The following ACOXL variants were observed in gnomAD, a reference collection of about 807,000 sequenced individuals.
The protein encoded by ACOXL is acyl-CoA oxidase like.
ACOXL carries 70 observed loss-of-function variants against 71.9 expected under a neutral mutation model. The ratio of observed to expected loss-of-function variants is 0.97; its 90% CI spans 0.80 to 1.19. The LOEUF is 1.19. Among genes scored for constraint, ACOXL ranks in the 50% most tolerant of loss-of-function variants. The pLI is 0.00. For missense variants in ACOXL, 703 were observed against 736.3 expected (o/e 0.95, Z 0.52); for synonymous variants, 253 against 281.6 (o/e 0.90, Z 1.02).
intron 11 of ACOXL, among the ~76,000 whole-genome samples, chr2:110,909,885 C>G (rs2149244989): frequency 6.6e-6 from 1 of 151,820 alleles, no homozygotes; most frequent in East Asian, 1.9e-4. Context: ...GCAGGCTGAG[C>G]TGCAGGTAAC....
At chr2:111,052,409 C>T (rs2066335071) in intron 16 of ACOXL, among the ~76,000 whole-genome samples, 1 of 152,108 alleles carries the variant, frequency 6.6e-6, no homozygotes, top group Non-Finnish European at 1.5e-5. Flanking sequence ...ATCCTTGTTG[C>T]TGGGGGTCCT....
chr2:110,769,226 A>AAAAG (rs10599265), intron 2 of ACOXL, among the ~76,000 whole-genome samples: 10,909 of 148,664 alleles, frequency 0.073, 443 homozygotes, highest in East Asian at 0.14. Context: ...GCCTCATGAA[A>AAAAG]AAAGAAAGAA....
chr2:110,900,452 C>G (rs1037156241), intron 10 of ACOXL, among the ~76,000 whole-genome samples: 3 of 152,160 alleles, frequency 2.0e-5, no homozygotes, highest in Non-Finnish European at 4.4e-5. Context: ...ATCACTTAGT[C>G]CTCATGCTCA....
intron 1 of ACOXL, among the ~76,000 whole-genome samples, chr2:110,768,059 G>A (rs1309608365): frequency 6.6e-6 from 1 of 152,136 alleles, no homozygotes; most frequent in African/African-American, 2.4e-5. Context: ...TTGAACCCGG[G>A]AGGCGGAGGT....
Position 110,829,327 on chromosome 2 carries a change from G to A in ACOXL, c.754-12044G>A, listed in dbSNP as rs191153188. The stretch of plus-strand genomic sequence containing the variant: ...CAGGTGGTGAGTTCGTTGGGTCCAG[G>A]TGGTGGTCAGCACTGGTCTCCTGCC... On this transcript the variant is annotated intron_variant, in intron 9 of 17. Transcript: ENST00000439055. 2.9e-4 allele frequency among the ~76,000 whole-genome samples: 44 copies of A among 152,260 alleles called. 1 individual carries two copies. The East Asian group carries it at 8.5e-3, about 29-fold the overall frequency.
chr2:111,003,518 T>A lies in ACOXL; in HGVS notation c.1281+7514T>A, dbSNP rs1166701108. ...GCGAACCGAGATTGCACCACTGCACTCCAGCCTGGGCGACAGGGCGAGACT... is the reference window on the plus strand; with the variant it reads ...GCGAACCGAGATTGCACCACTGCACACCAGCCTGGGCGACAGGGCGAGACT... On this transcript the variant is annotated intron_variant, in intron 14 of 17. Coordinates refer to ENST00000439055, the MANE Select transcript of ACOXL (RefSeq NM_001142807.4). Among the ~76,000 whole-genome samples the A allele has an allele frequency of 7.1e-5, 8 of 113,424 alleles. No individual in the cohort carries two copies. In the East Asian group the frequency reaches 2.2e-3, roughly 31 times the overall value. 74.4% of individuals were successfully genotyped at this position (113,424 alleles called of 152,430 possible).
chr2:111,007,558 G>GC (rs1464250253), intron 14 of ACOXL, among the ~76,000 whole-genome samples: 2 of 152,116 alleles, frequency 1.3e-5, no homozygotes, highest in Non-Finnish European at 2.9e-5. Context: ...CTTCAGGTTG[G>GC]CCCCTGTGTC....
chr2:110,882,060 T>C (rs1696716662), intron 10 of ACOXL, among the ~76,000 whole-genome samples: 1 of 152,178 alleles, frequency 6.6e-6, no homozygotes, highest in African/African-American at 2.4e-5. Flanking sequence ...CAGTTTTAAG[T>C]GGTGTACCAT....
At position 111,031,680 on chromosome 2, in the gene ACOXL, C is replaced by G; in HGVS notation, c.1335C>G (p.His445Gln). ...ATGCCTGGAACTCGTGTCTGCACCA[C>G]GTGGCTTCTCTGTCCCTGGCACACA... ...FFHAWNSCLH[H>Q]VASLSLAHTH... The change falls in exon 15 of 18, where the codon CAC becomes CAG. Residue 445 changes from histidine to glutamine, a missense_variant. Coordinates refer to ENST00000439055, the MANE Select transcript of ACOXL (RefSeq NM_001142807.4). 6.2e-7 allele frequency: 1 copy of G among 1,614,162 alleles called. No homozygotes were observed. Among genetic ancestry groups the G allele is most frequent in the Non-Finnish European group, 8.5e-7 (1 of 1,180,018 alleles).
rs905391716 is a variant in ACOXL at position 110,856,958 on chromosome 2, T to A, written c.788+15553T>A. The stretch of plus-strand genomic sequence containing the variant: ...TCTGACAATTCTTTGTGCTTTGGAG[T>A]CTTATTCATTCTTCATTCATCAAAC... On this transcript the variant is annotated intron_variant, in intron 10 of 17. Coordinates refer to ENST00000439055, the MANE Select transcript of ACOXL (RefSeq NM_001142807.4). 3.3e-5 allele frequency among the ~76,000 whole-genome samples: 5 copies of A among 152,324 alleles called. 1 individual carries two copies. The South Asian group carries it at 1.0e-3, about 32-fold the overall frequency.
chr2:110,889,993 C>T (rs1396021530), intron 10 of ACOXL, among the ~76,000 whole-genome samples: 1 of 152,146 alleles, frequency 6.6e-6, no homozygotes, highest in Non-Finnish European at 1.5e-5. Context: ...CTTTTATAAC[C>T]ATTCTAATGG....
intron 8 of ACOXL, 150 bp downstream of exon 8, chr2:110,801,874 A>G: frequency 1.6e-6 from 1 of 635,338 alleles, no homozygotes; most frequent in South Asian, 2.0e-5. Flanking sequence ...ATTGGAAAAG[A>G]TACGTCTGCA....
intron 1 of ACOXL, among the ~76,000 whole-genome samples, chr2:110,745,358 T>C (rs1187210684): frequency 1.3e-5 from 2 of 152,194 alleles, no homozygotes; most frequent in Admixed American, 1.3e-4. Context: ...TTCCTTGCAG[T>C]GGTCACTGGG....
chr2:111,038,036 G>A (rs190991607), intron 15 of ACOXL, among the ~76,000 whole-genome samples: 153 of 152,284 alleles, frequency 1.0e-3, no homozygotes, highest in African/African-American at 3.6e-3. Flanking sequence ...TAACATGGGT[G>A]GAAGCCCTAG....
intron 11 of ACOXL, among the ~76,000 whole-genome samples, chr2:110,921,199 T>C (rs948209132): frequency 6.6e-6 from 1 of 152,222 alleles, no homozygotes; most frequent in Admixed American, 6.5e-5. Flanking sequence ...CCCACTGTTT[T>C]GTCTCTCTCA....
chr2:110,949,791 A>T (rs2061254862), intron 12 of ACOXL, among the ~76,000 whole-genome samples: 1 of 152,180 alleles, frequency 6.6e-6, no homozygotes, highest in African/African-American at 2.4e-5. Context: ...TTTCCCATGG[A>T]AGGACGAACA....
At chr2:110,917,903 G>A (rs2059924544) in intron 11 of ACOXL, among the ~76,000 whole-genome samples, 1 of 152,168 alleles carries the variant, frequency 6.6e-6, no homozygotes, top group South Asian at 2.1e-4. Context: ...GGAAATAAGA[G>A]AGGACACAAT....
At chr2:110,864,667 G>C (rs1017218229) in intron 10 of ACOXL, among the ~76,000 whole-genome samples, 3 of 152,228 alleles carry the variant, frequency 2.0e-5, no homozygotes, top group African/African-American at 7.2e-5. Flanking sequence ...CCCAAGAAGA[G>C]AGAGCATTGC....
At chr2:110,778,896 A>G (rs904868331) in intron 2 of ACOXL, among the ~76,000 whole-genome samples, 9 of 152,242 alleles carry the variant, frequency 5.9e-5, no homozygotes, top group Non-Finnish European at 4.4e-5. Flanking sequence ...AGAATGCTGC[A>G]TAAAAAAAGT....
Sources: allele counts gnomAD v4.1 joint callset (sites outside exome capture counted in the v4.1 genomes callset), GRCh38; gene constraint gnomAD v4.1.1; transcripts MANE v1.5; gene names NCBI Gene and HGNC (gene_info 2026-07-23, HGNC 2026-07-21).